The following STAG1 variants were observed in gnomAD, a reference collection of about 807,000 sequenced individuals.
STAG1 encodes the protein STAG1 cohesin complex component.
Under a neutral mutation model 170.9 loss-of-function variants are expected in STAG1, and 26 were observed. The observed-to-expected ratio is 0.15, with a 90% CI of 0.11 to 0.21. The LOEUF (loss-of-function observed/expected upper bound fraction) is 0.21, where lower values mean the gene tolerates loss of function less well. STAG1 is among the 10% of genes least tolerant of loss of function. The probability of loss-of-function intolerance (pLI) is 1.00; values close to 1 mark genes in which losing one functional copy is unlikely to be tolerated. For synonymous variants in STAG1, 514 were observed against 497.7 expected, an observed-to-expected ratio of 1.03 and a Z score of -0.44; for missense variants, 964 against 1,509.5, an observed-to-expected ratio of 0.64 and a Z score of 5.99.
chr3:136,454,727 A>T (rs1576481794), intron 13 of STAG1, among the ~76,000 whole-genome samples: 1 of 152,334 alleles, frequency 6.6e-6, no homozygotes, highest in East Asian at 1.9e-4. Flanking sequence ...TAAGGTATTG[A>T]GGAATTTGCT....
chr3:136,424,743 A>G (rs1181976080), intron 16 of STAG1, among the ~76,000 whole-genome samples: 3 of 152,204 alleles, frequency 2.0e-5, no homozygotes, highest in Admixed American at 6.5e-5. Context: ...GAATTTGCCA[A>G]TATCTAACAA....
intron 4 of STAG1, among the ~76,000 whole-genome samples, chr3:136,603,347 G>A (rs989562381): frequency 6.6e-6 from 1 of 151,946 alleles, no homozygotes; most frequent in Non-Finnish European, 1.5e-5. Context: ...TTATGGGAGA[G>A]AAATACAGTA....
At chr3:136,402,446 G>A (rs1236820423) in intron 21 of STAG1, among the ~76,000 whole-genome samples, 1 of 151,770 alleles carries the variant, frequency 6.6e-6, no homozygotes, top group African/African-American at 2.4e-5. Context: ...TCGAACTCCT[G>A]AGCTCATGAT....
intron 9 of STAG1, among the ~76,000 whole-genome samples, chr3:136,495,970 C>CA (rs35882097): frequency 0.028 from 1,798 of 63,278 alleles, 38 homozygotes; most frequent in African/African-American, 0.065. Flanking sequence ...GACTCCGTCT[C>CA]AAAAAAAAAA....
At chr3:136,537,000 A>T (rs1935666232) in intron 6 of STAG1, among the ~76,000 whole-genome samples, 1 of 152,218 alleles carries the variant, frequency 6.6e-6, no homozygotes, top group Admixed American at 6.5e-5. Context: ...ATCGAACTGC[A>T]GGGTTCAGTC....
At chr3:136,533,051 T>C (rs1479466282) in intron 6 of STAG1, among the ~76,000 whole-genome samples, 1 of 152,182 alleles carries the variant, frequency 6.6e-6, no homozygotes, top group Non-Finnish European at 1.5e-5. Context: ...TTAGAGCTGA[T>C]AGCAAATTCA....
At chr3:136,339,128 T>C (rs1187737703) in intron 32 of STAG1, among the ~76,000 whole-genome samples, 1 of 152,000 alleles carries the variant, frequency 6.6e-6, no homozygotes, top group Non-Finnish European at 1.5e-5. Flanking sequence ...GAGAGACACA[T>C]ATAGGAAAGA....
Position 136,588,693 on chromosome 3 carries a change from T to C in STAG1, c.297+15616A>G, listed in dbSNP as rs180825100. ...CCCAGGCTGGAGTGCAGTGGCGCCA[T>C]CTCAACTCACCACAACCTCCGCCTC... On this transcript the variant is annotated intron_variant, in intron 4 of 33. Transcript: ENST00000383202. 9.0e-3 allele frequency among the ~76,000 whole-genome samples: 1,367 copies of C among 151,998 alleles called. 25 individuals are homozygous for C. The highest frequency in any genetic ancestry group is 0.029 in the African/African-American group (1,216 of 41,434).
intron 23 of STAG1, among the ~76,000 whole-genome samples, chr3:136,370,161 C>G (rs987719285): frequency 1.2e-4 from 19 of 152,012 alleles, no homozygotes; most frequent in African/African-American, 4.6e-4. Flanking sequence ...AAAAAATTAA[C>G]TGTGAAACAT....
chr3:136,737,136 A>G, intron 1 of STAG1: 3 of 802,834 alleles, frequency 3.7e-6, no homozygotes, highest in Non-Finnish European at 6.7e-6. Flanking sequence ...CGTTAGAACC[A>G]AGTCTCTCTT....
chr3:136,506,476 C>A (rs371318960), intron 7 of STAG1, among the ~76,000 whole-genome samples: 839 of 84,556 alleles, frequency 9.9e-3, no homozygotes, highest in East Asian at 0.014. Context: ...ACTAAAAATA[C>A]AAAAAAAAAA....
At chr3:136,578,251 T>A (rs1243219683) in intron 4 of STAG1, among the ~76,000 whole-genome samples, 2 of 152,078 alleles carry the variant, frequency 1.3e-5, no homozygotes, top group Non-Finnish European at 2.9e-5. Flanking sequence ...CACTTAACCA[T>A]CAAAGACCAA....
At chr3:136,727,127 T>C (rs1272727376) in intron 1 of STAG1, among the ~76,000 whole-genome samples, 2 of 151,620 alleles carry the variant, frequency 1.3e-5, no homozygotes, top group East Asian at 3.8e-4. Flanking sequence ...CATCATAATA[T>C]ATGATTATTT....
chr3:136,380,335 G>A (rs764028839), intron 22 of STAG1, among the ~76,000 whole-genome samples: 3 of 151,828 alleles, frequency 2.0e-5, no homozygotes, highest in Admixed American at 6.6e-5. Flanking sequence ...TCTGTCTCCC[G>A]GGTTCAAGCA....
intron 22 of STAG1, among the ~76,000 whole-genome samples, chr3:136,378,291 T>G (rs910217976): frequency 1.3e-5 from 2 of 152,202 alleles, no homozygotes; most frequent in Non-Finnish European, 2.9e-5. Flanking sequence ...TGCAGCAAAG[T>G]TGGAGAAATC....
At chr3:136,338,579 AAG>A (rs749064576) in intron 32 of STAG1, 129 bp from the exon 33 acceptor site, 29 of 665,620 alleles carry the variant, frequency 4.4e-5, no homozygotes, top group Non-Finnish European at 7.8e-6. Context: ...TGAAAGGAAG[AAG>A]AGAATCTGGC....
At chr3:136,697,659 T>C (rs996397111) in intron 1 of STAG1, among the ~76,000 whole-genome samples, 2 of 152,230 alleles carry the variant, frequency 1.3e-5, no homozygotes, top group African/African-American at 4.8e-5. Flanking sequence ...CTCTCACAAA[T>C]ACTGACTACC....
chr3:136,683,011 C>G (rs1430401712), intron 1 of STAG1, among the ~76,000 whole-genome samples: 1 of 152,086 alleles, frequency 6.6e-6, no homozygotes, highest in Admixed American at 6.6e-5. Flanking sequence ...ATAAGTCAGA[C>G]ACAAATATAC....
At chr3:136,416,465 A>G (rs758348048) in intron 21 of STAG1, among the ~76,000 whole-genome samples, 10 of 152,226 alleles carry the variant, frequency 6.6e-5, no homozygotes, top group Non-Finnish European at 1.2e-4. Flanking sequence ...CTAGCACAAT[A>G]ATGATGGTAT....
Sources: gnomAD v4.1 joint callset for allele counts (sites outside exome capture counted in the v4.1 genomes callset) on GRCh38, gnomAD v4.1.1 for gene constraint, MANE v1.5 for transcripts, NCBI Gene and HGNC (gene_info 2026-07-23, HGNC 2026-07-21) for gene names.